Variants in RGS6 observed in about 807,000 individuals in gnomAD.
RGS6 encodes the protein regulator of G-protein signaling 6.
Under a neutral mutation model 78.5 loss-of-function variants are expected in RGS6, and 30 were observed. The ratio of observed to expected loss-of-function variants is 0.38; its 90% CI spans 0.29 to 0.52. RGS6 has a LOEUF of 0.52. Ranked by LOEUF, RGS6 falls within the 20% of genes least tolerant of loss-of-function variation. The probability of loss-of-function intolerance (pLI) is 0.85; values close to 1 mark genes in which losing one functional copy is unlikely to be tolerated. For synonymous variants in RGS6, 206 were observed against 206.0 expected (o/e 1.00, Z 0.00); for missense variants, 495 against 609.7 (o/e 0.81, Z 1.98).
In RGS6 at chr14:72,100,827, T is replaced by C. The variant is rs1463636579; in HGVS notation, c.84+135952T>C. On this transcript the variant is annotated intron_variant, in intron 2 of 17. Coordinates refer to ENST00000553525, the MANE Select transcript of RGS6 (RefSeq NM_001204424.2). ...ATTTCATCTCCAACCACTTAAATCA[T>C]AGTCTCTGGGAGATGGGAGCTAGGC... Among the ~76,000 whole-genome samples the C allele has an allele frequency of 3.3e-5, 5 of 152,324 alleles. No homozygotes were observed. The East Asian group carries it at 7.7e-4, about 24-fold the overall frequency.
chr14:72,303,992 A>G (rs903460204), intron 2 of RGS6, among the ~76,000 whole-genome samples: 2 of 152,134 alleles, frequency 1.3e-5, no homozygotes, highest in African/African-American at 2.4e-5. Flanking sequence ...TGGTTCCTCT[A>G]TCATCTGGGC....
At chr14:72,044,824 G>A (rs2092703813) in intron 2 of RGS6, among the ~76,000 whole-genome samples, 1 of 152,048 alleles carries the variant, frequency 6.6e-6, no homozygotes, top group South Asian at 2.1e-4. Context: ...AGTGAGCCGA[G>A]ATGATGCCAC....
At chr14:72,505,427 A>T (rs1380765683) in intron 13 of RGS6, among the ~76,000 whole-genome samples, 1 of 152,192 alleles carries the variant, frequency 6.6e-6, no homozygotes, top group Non-Finnish European at 1.5e-5. Flanking sequence ...ATAGAGTACT[A>T]ATCCCACTCA....
Position 72,405,138 on chromosome 14 carries a change from G to T in RGS6, c.185-49390G>T, listed in dbSNP as rs10220576. 2.6e-3 allele frequency among the ~76,000 whole-genome samples: 393 copies of T among 152,256 alleles called. 1 individual carries two copies. The highest frequency in any genetic ancestry group is 8.8e-3 in the African/African-American group (365 of 41,540). On this transcript the variant is annotated intron_variant, in intron 3 of 17. Transcript: ENST00000553525. ...GTCAGCAGCTTCTTGAGACTGGGTC[G>T]CTGTGCTAAGAACGTAAAGGGGGAG...
At chr14:72,449,654 A>G (rs1161660949) in intron 3 of RGS6, among the ~76,000 whole-genome samples, 1 of 152,212 alleles carries the variant, frequency 6.6e-6, no homozygotes, top group African/African-American at 2.4e-5. Context: ...CCCACCAAGT[A>G]AACAAGCTAA....
intron 2 of RGS6, among the ~76,000 whole-genome samples, chr14:72,262,602 G>A (rs2058358283): frequency 6.6e-6 from 1 of 152,190 alleles, no homozygotes; most frequent in South Asian, 2.1e-4. Flanking sequence ...ACACAGTTCA[G>A]TCCATAACAG....
At chr14:71,988,179 CAG>C (rs994470687) in intron 2 of RGS6, among the ~76,000 whole-genome samples, 41 of 152,270 alleles carry the variant, frequency 2.7e-4, no homozygotes, top group African/African-American at 9.6e-4. Context: ...GTCAAGGAAA[CAG>C]ATGATAAAGT....
intron 2 of RGS6, among the ~76,000 whole-genome samples, chr14:72,218,560 C>G (rs2046127714): frequency 6.6e-6 from 1 of 152,054 alleles, no homozygotes; most frequent in African/African-American, 2.4e-5. Flanking sequence ...CATTTTTCAA[C>G]CCATCAATAC....
chr14:72,562,307 T>A, intron 17 of RGS6, 110 bp from the exon 18 acceptor site: 6 of 1,079,916 alleles, frequency 5.6e-6, no homozygotes, highest in Non-Finnish European at 8.3e-6. Context: ...GGTTGGTTGG[T>A]CGTTTGGCCT....
chr14:72,091,500 G>A (rs1200026032), intron 2 of RGS6, among the ~76,000 whole-genome samples: 4 of 152,132 alleles, frequency 2.6e-5, no homozygotes, highest in African/African-American at 9.7e-5. Context: ...CTTCTCTCTG[G>A]CTCCATGTTC....
the RGS6 span, among the ~76,000 whole-genome samples, chr14:72,622,482 C>T: frequency 6.6e-6 from 1 of 152,088 alleles, no homozygotes; most frequent in Non-Finnish European, 1.5e-5. Context: ...CAGGACTTGT[C>T]AGAAACAGTG....
chr14:72,090,607 G>A (rs1307875206), intron 2 of RGS6, among the ~76,000 whole-genome samples: 1 of 152,148 alleles, frequency 6.6e-6, no homozygotes, highest in Non-Finnish European at 1.5e-5. Context: ...ACTATCCATG[G>A]ACAAATCGTA....
chr14:72,087,603 A>G (rs2095100112), intron 2 of RGS6, among the ~76,000 whole-genome samples: 1 of 151,622 alleles, frequency 6.6e-6, no homozygotes, highest in South Asian at 2.1e-4. Flanking sequence ...TAAAATTTGG[A>G]AACTTGCAAA....
chr14:72,320,691 T>C (rs2071702386), intron 2 of RGS6, among the ~76,000 whole-genome samples: 1 of 151,760 alleles, frequency 6.6e-6, no homozygotes, highest in African/African-American at 2.4e-5. Context: ...GAGTCTGTTT[T>C]GCTTTTAGAC....
the RGS6 span, among the ~76,000 whole-genome samples, chr14:71,891,023 CA>C: frequency 6.6e-6 from 1 of 152,076 alleles, no homozygotes; most frequent in Non-Finnish European, 1.5e-5. Context: ...GTCTGGGGGA[CA>C]GGGGTATTTC....
intron 2 of RGS6, among the ~76,000 whole-genome samples, chr14:71,979,496 TATTTCTGCCTTC>T (rs1450259970): frequency 3.3e-5 from 5 of 152,060 alleles, no homozygotes; most frequent in African/African-American, 1.2e-4. Flanking sequence ...AGAACATCTT[TATTTCTGCCTTC>T]ATTTCGTTAT....
the RGS6 span, among the ~76,000 whole-genome samples, chr14:71,902,352 T>C: frequency 1.3e-5 from 2 of 152,192 alleles, no homozygotes; most frequent in Non-Finnish European, 2.9e-5. Flanking sequence ...ACTTGAATGA[T>C]GTCAAATCTC....
chr14:72,288,993 G>A (rs1392099107), intron 2 of RGS6, among the ~76,000 whole-genome samples: 1 of 152,126 alleles, frequency 6.6e-6, no homozygotes. Flanking sequence ...ATGGCAAAGG[G>A]CTCTGCAGAG....
the RGS6 span, among the ~76,000 whole-genome samples, chr14:72,605,314 T>C: frequency 2.0e-5 from 3 of 152,196 alleles, no homozygotes; most frequent in Admixed American, 2.0e-4. Flanking sequence ...GGGATGGGAA[T>C]GAGCCAGGCT....
Sources: gnomAD v4.1 joint callset for allele counts (sites outside exome capture counted in the v4.1 genomes callset) on GRCh38, gnomAD v4.1.1 for gene constraint, MANE v1.5 for transcripts, NCBI Gene and HGNC (gene_info 2026-07-23, HGNC 2026-07-21) for gene names.